JAKMIP1: variants seen among roughly 807,000 people sequenced by gnomAD.
JAKMIP1 encodes the protein janus kinase and microtubule-interacting protein 1.
In JAKMIP1, 33 loss-of-function variants were observed where a neutral mutation model predicts 113.0. The observed-to-expected ratio is 0.29, with a 90% CI of 0.22 to 0.39. JAKMIP1 has a LOEUF of 0.39. Among genes scored for constraint, JAKMIP1 ranks in the 10% least tolerant of loss-of-function variants. JAKMIP1 has a pLI of 1.00. For missense variants in JAKMIP1, 813 were observed against 1,080.5 expected (o/e 0.75, Z 3.47); for synonymous variants, 480 against 459.9 (o/e 1.04, Z -0.56).
At position 6,081,533 on chromosome 4, in the gene JAKMIP1, T is replaced by A; in HGVS notation, c.1101+76A>T. 1.3e-6 allele frequency: 2 copies of A among 1,551,928 alleles called. No individual in the cohort carries two copies. Among genetic ancestry groups the A allele is most frequent in the Non-Finnish European group, 1.8e-6 (2 of 1,134,980 alleles). On this transcript the variant is annotated intron_variant, in intron 6 of 20. Coordinates refer to ENST00000409021, the MANE Select transcript of JAKMIP1 (RefSeq NM_001099433.2). The surrounding 1 kb of genome is among the most constrained non-coding windows in gnomAD (Gnocchi z 4.6). ...GCAGGTGCGCCCCAGAACATGTGAA[T>A]CGGGAGGTTCAGGGCTGAAGAATCC...
chr4:6,139,770 T>TATAAAATAAAATAAAATAAAATAAA lies in JAKMIP1; in HGVS notation c.-147-26798_-147-26774dup, dbSNP rs74997830. ...GACAGAGTGAGACTCCATCTCAAAA[T>TATAAAATAAAATAAAATAAAATAAA]ATAAAATAAAATAAAATAAAATAAA... On this transcript the variant is annotated intron_variant, in intron 1 of 20. Coordinates refer to ENST00000409021, the MANE Select transcript of JAKMIP1 (RefSeq NM_001099433.2). The surrounding 1 kb of genome is among the most constrained non-coding windows in gnomAD (Gnocchi z 5.2). Among the ~76,000 whole-genome samples, 666 of 148,010 alleles carry TATAAAATAAAATAAAATAAAATAAA rather than the reference T, an allele frequency of 4.5e-3. 6 individuals carry two copies. The highest frequency in any genetic ancestry group is 0.016 in the African/African-American group (646 of 39,846).
rs1722485879 is a variant in JAKMIP1 at position 6,158,199 on chromosome 4, G to A, written c.-148+42054C>T. Among the ~76,000 whole-genome samples, 1 of 152,212 alleles carries A rather than the reference G, an allele frequency of 6.6e-6. No homozygotes were observed. Among genetic ancestry groups the A allele is most frequent in the Admixed American group, 6.5e-5 (1 of 15,284 alleles). ...GAGGGCAGACCATGCTGTAGGTCAT[G>A]CAGTGCACGCTCCATACATCCCAAC... is the stretch of plus-strand genomic sequence containing the variant. On this transcript the variant is annotated intron_variant, in intron 1 of 20. Coordinates refer to ENST00000409021, the MANE Select transcript of JAKMIP1 (RefSeq NM_001099433.2). The surrounding 1 kb of genome is among the most constrained non-coding windows in gnomAD (Gnocchi z 5.3).
Position 6,112,891 on chromosome 4 carries a change from A to T in JAKMIP1, c.-41T>A. ...AGAGTGCTGAGATCCTGCGGTCCAC[A>T]CCTGTTCACGCACGCCAGCCAGCAG... is the stretch of plus-strand genomic sequence containing the variant. On this transcript the variant is annotated 5_prime_UTR_variant, in exon 2 of 21. Transcript: ENST00000409021. 1.3e-6 allele frequency: 2 copies of T among 1,596,160 alleles called. No homozygotes were observed. The highest frequency in any genetic ancestry group is 1.7e-6 in the Non-Finnish European group (2 of 1,168,784).
intron 8 of JAKMIP1, among the ~76,000 whole-genome samples, chr4:6,071,525 G>A (rs969752690): frequency 6.6e-6 from 1 of 152,178 alleles, no homozygotes; most frequent in Non-Finnish European, 1.5e-5. Context: ...CCTGGCGCTG[G>A]GGTTTCCTTC....
intron 16 of JAKMIP1, among the ~76,000 whole-genome samples, chr4:6,043,636 C>T (rs1714628485): frequency 6.6e-6 from 1 of 151,968 alleles, no homozygotes; most frequent in Non-Finnish European, 1.5e-5. Context: ...ATTGGCTTTG[C>T]CTCCTTCTGG....
chr4:6,066,020 G>A (rs539609276), intron 8 of JAKMIP1, among the ~76,000 whole-genome samples: 2 of 151,920 alleles, frequency 1.3e-5, no homozygotes, highest in South Asian at 4.2e-4. Context: ...AACAGCCCCC[G>A]ACAAGGATTT....
intron 1 of JAKMIP1, among the ~76,000 whole-genome samples, chr4:6,117,422 G>A (rs1715967740): frequency 1.3e-5 from 2 of 152,100 alleles, no homozygotes; most frequent in South Asian, 2.1e-4. Context: ...GGGGGTATAC[G>A]AATAGGTGTG....
chr4:6,079,348 G>T (rs1720170260), intron 7 of JAKMIP1, among the ~76,000 whole-genome samples: 1 of 152,052 alleles, frequency 6.6e-6, no homozygotes, highest in Non-Finnish European at 1.5e-5. Context: ...GGACAGATGG[G>T]TGGGTGGATG....
intron 1 of JAKMIP1, among the ~76,000 whole-genome samples, chr4:6,128,009 C>T (rs1460322794): frequency 6.6e-6 from 1 of 152,188 alleles, no homozygotes; most frequent in Non-Finnish European, 1.5e-5. Context: ...TATCAGGCGC[C>T]CCATCTGCCT....
chr4:6,125,821 T>C (rs1293379737), intron 1 of JAKMIP1, among the ~76,000 whole-genome samples: 9 of 57,946 alleles, frequency 1.6e-4, no homozygotes, highest in East Asian at 6.0e-4. Flanking sequence ...ACACACACCA[T>C]ACACACCATG....
Position 6,097,272 on chromosome 4 carries a change from C to T in JAKMIP1, c.624+8201G>A, listed in dbSNP as rs1437835848. Among the ~76,000 whole-genome samples, 1 of 152,226 alleles carries T rather than the reference C, an allele frequency of 6.6e-6. No homozygotes were observed. Among genetic ancestry groups the T allele is most frequent in the Non-Finnish European group, 1.5e-5 (1 of 68,046 alleles). On this transcript the variant is annotated intron_variant, in intron 3 of 20. Transcript: ENST00000409021. The surrounding 1 kb of genome is among the most constrained non-coding windows in gnomAD (Gnocchi z 4.3). ...TCAGCCTCCTGATGTATTGGGATTACAGTCATGAGCCATCTCGCCCCGTTC... is the reference window on the plus strand; with the variant it reads ...TCAGCCTCCTGATGTATTGGGATTATAGTCATGAGCCATCTCGCCCCGTTC...
Position 6,050,561 on chromosome 4 carries a change from C to A in JAKMIP1, c.1908+17G>T, listed in dbSNP as rs1181137750. ...CCTTGGCTGGCATTCAGCAGAGGCA[C>A]CCCCCAGGCACGCTACCTTAACTCC... On this transcript the variant is annotated intron_variant, in intron 14 of 20. Coordinates refer to ENST00000409021, the MANE Select transcript of JAKMIP1 (RefSeq NM_001099433.2). This position sits in a 1 kb window ranked among gnomAD's most constrained non-coding sequence, Gnocchi z 7.4. 5 of 1,534,712 alleles carry A rather than the reference C, an allele frequency of 3.3e-6. No individual in the cohort carries two copies. The African/African-American group carries it at 4.1e-5, about 13-fold the overall frequency.
rs576800507 is a variant in JAKMIP1 at position 6,042,644 on chromosome 4, C to T, written c.2029-417G>A. 1.1e-4 allele frequency among the ~76,000 whole-genome samples: 17 copies of T among 152,074 alleles called. No homozygotes were observed. The South Asian group carries it at 3.3e-3, about 30-fold the overall frequency. ...AGTAGGCAGCGTCACCCCTATTTTG[C>T]AGGTAAAGACATGGAGGCTGAGTTA... On this transcript the variant is annotated intron_variant, in intron 16 of 20. Transcript: ENST00000409021. This position sits in a 1 kb window ranked among gnomAD's most constrained non-coding sequence, Gnocchi z 5.2.
intron 1 of JAKMIP1, among the ~76,000 whole-genome samples, chr4:6,126,550 A>T (rs201622592): frequency 7.5e-6 from 1 of 133,220 alleles, no homozygotes; most frequent in Non-Finnish European, 1.6e-5. Flanking sequence ...CACACACACA[A>T]ACACACACCA....
intron 18 of JAKMIP1, among the ~76,000 whole-genome samples, chr4:6,036,617 AG>A (rs11312796): frequency 0.037 from 5,686 of 152,290 alleles, 145 homozygotes; most frequent in South Asian, 0.068. Flanking sequence ...CCCCAACAAA[AG>A]CAAGCCACCC....
intron 3 of JAKMIP1, among the ~76,000 whole-genome samples, chr4:6,095,499 A>C (rs1003745747): frequency 5.3e-5 from 8 of 152,224 alleles, no homozygotes; most frequent in African/African-American, 1.7e-4. Context: ...CTACTTCTGC[A>C]AGACAGAGTC....
chr4:6,126,601 A>G (rs1023289535), intron 1 of JAKMIP1, among the ~76,000 whole-genome samples: 1 of 148,398 alleles, frequency 6.7e-6, no homozygotes, highest in African/African-American at 2.5e-5. Context: ...GCAGAAACAC[A>G]CACACCATGC....
chr4:6,113,958 G>A (rs555254005), intron 1 of JAKMIP1, among the ~76,000 whole-genome samples: 1 of 152,334 alleles, frequency 6.6e-6, no homozygotes, highest in Non-Finnish European at 1.5e-5. Context: ...GACAGCAGAA[G>A]AGTCATGAGG....
rs1720630030 is a variant in JAKMIP1, at chr4:6,081,998, G to A, written c.955-243C>T. ...GCACATGGTGAGAATTGAATGCATA[G>A]TGGTAGTCTCCCAGTGTTATTTTCA... On this transcript the variant is annotated intron_variant, in intron 5 of 20. Coordinates refer to ENST00000409021, the MANE Select transcript of JAKMIP1 (RefSeq NM_001099433.2). This position sits in a 1 kb window ranked among gnomAD's most constrained non-coding sequence, Gnocchi z 4.6. Among the ~76,000 whole-genome samples, 1 of 152,182 alleles carries A rather than the reference G, an allele frequency of 6.6e-6. No homozygotes were observed. Among genetic ancestry groups the A allele is most frequent in the Admixed American group, 6.5e-5 (1 of 15,276 alleles).
Sources: gnomAD v4.1 joint callset for allele counts (sites outside exome capture counted in the v4.1 genomes callset) on GRCh38, gnomAD v4.1.1 for gene constraint, Gnocchi (gnomAD v3.1) non-coding constraint, MANE v1.5 for transcripts, NCBI Gene and HGNC (gene_info 2026-07-23, HGNC 2026-07-21) for gene names.